FAT2: variants seen among roughly 807,000 people sequenced by gnomAD.
FAT2 encodes the protein FAT atypical cadherin 2.
In FAT2, 150 loss-of-function variants were observed where a neutral mutation model predicts 295.3. The observed-to-expected ratio is 0.51, with a 90% CI of 0.44 to 0.58. The LOEUF (loss-of-function observed/expected upper bound fraction) is 0.58, where lower values mean the gene tolerates loss of function less well. FAT2 is among the 20% of genes least tolerant of loss of function. FAT2 has a pLI of 0.00. For synonymous variants in FAT2, 2,026 were observed against 2,150.3 expected, an observed-to-expected ratio of 0.94 and a Z score of 1.60; for missense variants, 4,868 against 5,442.7, an observed-to-expected ratio of 0.89 and a Z score of 3.32.
In FAT2 at chr5:151,568,534, C is replaced by T. The variant is rs978707253; in HGVS notation, c.398G>A (p.Arg133His). 21 of 1,614,072 alleles carry T rather than the reference C, an allele frequency of 1.3e-5. No homozygotes were observed. Among genetic ancestry groups the T allele is most frequent in the East Asian group, 6.7e-5 (3 of 44,878 alleles). The change falls in exon 2 of 24, where the codon CGT (arginine) becomes CAT (histidine). Residue 133 changes from arginine (R) to histidine (H), a missense_variant. Around this residue, in one of 5 missense-constraint regions of FAT2, gnomAD observed 3,297 missense variants for 3,669.4 expected, o/e 0.90. Coordinates refer to ENST00000261800, the MANE Select transcript of FAT2 (RefSeq NM_001447.3). ...EKTLELEALT[R>H]VVVHILDQND... Reference sequence around the variant, plus strand: ...CTGGTCCAGGATGTGGACCACCACACGGGTCAAAGCTTCCAACTCCAAGGT... The same window carrying T: ...CTGGTCCAGGATGTGGACCACCACATGGGTCAAAGCTTCCAACTCCAAGGT...
rs1018554619 is a variant in FAT2 at position 151,528,372 on chromosome 5, G to C, written c.10027-239C>G. Among the ~76,000 whole-genome samples, 11 of 152,304 alleles carry C rather than the reference G, an allele frequency of 7.2e-5. No individual in the cohort carries two copies. The South Asian group carries it at 1.2e-3, about 17-fold the overall frequency. ...TAACAGCATGCTAGGCCCTGTCCTAGAATGTGAGGAATGTGCTAAAATGAA... is the reference window on the plus strand; with the variant it reads ...TAACAGCATGCTAGGCCCTGTCCTACAATGTGAGGAATGTGCTAAAATGAA... On this transcript the variant is annotated intron_variant, in intron 15 of 23. Transcript: ENST00000261800.
At position 151,566,904 on chromosome 5, in the gene FAT2, C is replaced by G. The variant is rs761454167; in HGVS notation, c.2028G>C (p.Leu676Phe). 1 of 1,614,128 alleles carries G rather than the reference C, an allele frequency of 6.2e-7. No individual in the cohort carries two copies. The highest frequency in any genetic ancestry group is 1.1e-5 in the South Asian group (1 of 91,072). The change falls in exon 2 of 24, where the codon TTG becomes TTC. Residue 676 changes from leucine (L) to phenylalanine (F), a missense_variant. Around this residue, in one of 5 missense-constraint regions of FAT2, gnomAD observed 3,297 missense variants for 3,669.4 expected, o/e 0.90. Transcript: ENST00000261800. ...VPVTCDKTGV[L>F]TQFTKTILHF... Reference sequence around the variant, plus strand: ...GGAGGATAGTCTTTGTGAATTGTGTCAATACCCCTGTTTTATCACATGTTA... The same window carrying G: ...GGAGGATAGTCTTTGTGAATTGTGTGAATACCCCTGTTTTATCACATGTTA...
chr5:151,569,101 G>T (rs747992863), intron 1 of FAT2, among the ~76,000 whole-genome samples, 150 bp from the exon 2 acceptor site: 1 of 152,198 alleles, frequency 6.6e-6, no homozygotes, highest in African/African-American at 2.4e-5. Flanking sequence ...GAGTGGTGGT[G>T]CTAATGGCAT....
At chr5:151,526,103 T>G (rs937840037) in intron 17 of FAT2, 138 bp from the exon 18 acceptor site, 1 of 842,808 alleles carries the variant, frequency 1.2e-6, no homozygotes, top group African/African-American at 1.7e-5. Context: ...ATCAAGCTGC[T>G]GCTCATTCAT....
chr5:151,532,185 A>C (rs1754707229), intron 13 of FAT2, among the ~76,000 whole-genome samples: 1 of 152,238 alleles, frequency 6.6e-6, no homozygotes, highest in Non-Finnish European at 1.5e-5. Flanking sequence ...GGGGGAACCT[A>C]ATCTGCAAAT....
intron 23 of FAT2, 149 bp from the exon 24 acceptor site, chr5:151,506,246 C>T (rs1022860886): frequency 1.0e-5 from 8 of 783,534 alleles, no homozygotes; most frequent in Non-Finnish European, 1.5e-5. Flanking sequence ...TGTTGGCTTA[C>T]GTTGATAACA....
rs1297908289 is a variant in FAT2, at chr5:151,544,666, T to C, written c.6461A>G (p.Gln2154Arg). The change falls in exon 10 of 24, where the codon CAG becomes CGG. Residue 2154 changes from glutamine (Q) to arginine (R), a missense_variant. By Grantham distance (43) the Gln-to-Arg change is conservative (BLOSUM62 1). Around this residue, in one of 5 missense-constraint regions of FAT2, gnomAD observed 3,297 missense variants for 3,669.4 expected, o/e 0.90. Transcript: ENST00000261800. ...AGTGACAAGTACCTCTTCCTCACTC[T>C]GGAGGGATGGCGTTCCTCCATCCCG... The part of the protein sequence containing the change: ...IARDGGTPSL[Q>R]SEEEVLVTVR... 1 of 1,614,062 alleles carries C rather than the reference T, an allele frequency of 6.2e-7. No homozygotes were observed. Among genetic ancestry groups the C allele is most frequent in the African/African-American group, 1.3e-5 (1 of 74,916 alleles).
rs754002257 is a variant in FAT2 at position 151,543,911 on chromosome 5, G to T, written c.7216C>A (p.Pro2406Thr). The T allele has an allele frequency of 3.7e-6, 6 of 1,614,096 alleles. No individual in the cohort carries two copies. In the East Asian group the frequency reaches 1.3e-4, roughly 36 times the overall value. ...AGGCGGGAGGTGTCTCTGCTGTCAG[G>T]GTCAATAGCCTGGACTTTAAGAACC... ...HLVLKVQAID[P>T]DSRDTSRLEY... Residue 2406 changes from proline (P) to threonine (T), a missense_variant, in exon 10 of 24, where the codon CCT becomes ACT. Pro to Thr is a conservative substitution (Grantham distance 38). Transcript: ENST00000261800.
intron 20 of FAT2, among the ~76,000 whole-genome samples, chr5:151,515,846 C>G (rs1479688792): frequency 6.6e-6 from 1 of 152,160 alleles, no homozygotes; most frequent in South Asian, 2.1e-4. Flanking sequence ...CATGATGACC[C>G]TTTTAAAATA....
intron 8 of FAT2, 97 bp downstream of exon 8, chr5:151,550,493 A>G (rs1757091840): frequency 1.5e-6 from 2 of 1,377,166 alleles, no homozygotes; most frequent in East Asian, 4.6e-5. Context: ...CATGGTCCTT[A>G]TGAGGGGAAG....
Position 151,512,710 on chromosome 5 carries a change from G to T in FAT2, c.11464-104C>A. 1.8e-6 allele frequency: 2 copies of T among 1,109,142 alleles called. No individual in the cohort carries two copies. The highest frequency in any genetic ancestry group is 2.6e-6 in the Non-Finnish European group (2 of 781,536). The allele number at this position is 1,109,142 out of a possible 1,614,324, so 68.7% of individuals were successfully genotyped here. A position where few individuals can be genotyped will look rare whatever the true frequency, so the allele number is the denominator to read the frequency against. The stretch of plus-strand genomic sequence containing the variant: ...ATGTTGTTTGTATTTTTATGGGTAG[G>T]AGGGGGGTGTTTGGCTGTTTTAGAC... On this transcript the variant is annotated intron_variant, in intron 20 of 23. Transcript: ENST00000261800. This position sits in a 1 kb window ranked among gnomAD's most constrained non-coding sequence, Gnocchi z 4.1.
Position 151,505,583 on chromosome 5 carries a change from A to AC in FAT2, c.13031dup (p.Cys4344TrpfsTer2). On this transcript the variant is annotated frameshift_variant, in exon 24 of 24. Coordinates refer to ENST00000261800, the MANE Select transcript of FAT2 (RefSeq NM_001447.3). LOFTEE classifies it high-confidence loss of function. Reference sequence around the variant, plus strand: ...TGGGAAGCTAGAACATGACCTCCTCACAGCTGCCATAATCACTCTCCACCA... The same window carrying AC: ...TGGGAAGCTAGAACATGACCTCCTCACCAGCTGCCATAATCACTCTCCACCA... 6 of 1,614,010 alleles carry AC rather than the reference A, an allele frequency of 3.7e-6. No individual in the cohort carries two copies. Among genetic ancestry groups the AC allele is most frequent in the Non-Finnish European group, 5.1e-6 (6 of 1,179,992 alleles).
intron 1 of FAT2, among the ~76,000 whole-genome samples, chr5:151,571,015 G>A (rs995938432): frequency 6.6e-6 from 1 of 152,130 alleles, no homozygotes; most frequent in African/African-American, 2.4e-5. Context: ...CAACTCCTGA[G>A]ATTCTGTTGG....
intron 1 of FAT2, among the ~76,000 whole-genome samples, chr5:151,571,080 C>G (rs1758501603): frequency 6.6e-6 from 1 of 152,122 alleles, no homozygotes; most frequent in Non-Finnish European, 1.5e-5. Flanking sequence ...GTGGCAGATT[C>G]TTCATTCGAG....
chr5:151,564,431 TAATTA>T (rs772795745), intron 2 of FAT2, among the ~76,000 whole-genome samples: 13 of 152,372 alleles, frequency 8.5e-5, no homozygotes, highest in Middle Eastern at 3.4e-3. Context: ...TTAAACAGCT[TAATTA>T]AATTAAGCTG....
intron 23 of FAT2, among the ~76,000 whole-genome samples, chr5:151,506,808 T>G (rs1760920095): frequency 6.6e-6 from 1 of 152,230 alleles, no homozygotes; most frequent in Non-Finnish European, 1.5e-5. Flanking sequence ...ACCAGAAGCT[T>G]AGACCACTTC....
intron 1 of FAT2, among the ~76,000 whole-genome samples, chr5:151,587,686 C>T (rs2127664871): frequency 6.6e-6 from 1 of 152,198 alleles, no homozygotes; most frequent in East Asian, 1.9e-4. Flanking sequence ...ATGGGTCTGC[C>T]TCTATCAACT....
intron 11 of FAT2, 60 bp from the exon 12 acceptor site, chr5:151,538,006 A>G: frequency 6.6e-7 from 1 of 1,510,546 alleles, no homozygotes; most frequent in Non-Finnish European, 9.1e-7. Flanking sequence ...ATCCAGAGAG[A>G]AGCAGAGTGA....
chr5:151,576,275 C>T (rs1758744169), intron 1 of FAT2, among the ~76,000 whole-genome samples: 1 of 152,086 alleles, frequency 6.6e-6, no homozygotes, highest in Non-Finnish European at 1.5e-5. Flanking sequence ...TGAATATGTC[C>T]TCAAATTATG....
Sources: gnomAD v4.1 joint callset for allele counts (sites outside exome capture counted in the v4.1 genomes callset) on GRCh38, gnomAD v4.1.1 for gene constraint, gnomAD v4.1.1 regional missense constraint, Gnocchi (gnomAD v3.1) non-coding constraint, MANE v1.5 for transcripts, NCBI Gene and HGNC (gene_info 2026-07-23, HGNC 2026-07-21) for gene names.